The following ISM2 variants were observed in gnomAD, a reference collection of about 807,000 sequenced individuals.
ISM2 encodes the protein isthmin 2, also known as isthmin-2.
In ISM2, 50 loss-of-function variants were observed where a neutral mutation model predicts 58.0. That is an observed-to-expected ratio of 0.86 (90% CI 0.69 to 1.09). ISM2 has a LOEUF of 1.09. Among genes scored for constraint, ISM2 ranks in the 50% least tolerant of loss-of-function variants. ISM2 has a pLI of 0.00. For synonymous variants in ISM2, 303 were observed against 312.4 expected (o/e 0.97, Z 0.32); for missense variants, 723 against 745.0 (o/e 0.97, Z 0.34).
chr14:77,482,748 G>T, intron 3 of ISM2, 81 bp from the exon 4 acceptor site: 1 of 895,110 alleles, frequency 1.1e-6, no homozygotes, highest in Non-Finnish European at 1.7e-6. Flanking sequence ...TGGGGTCAGG[G>T]TCAGAGGTGA....
intron 1 of ISM2, among the ~76,000 whole-genome samples, chr14:77,494,675 G>A (rs947321537): frequency 2.6e-5 from 4 of 152,064 alleles, no homozygotes; most frequent in African/African-American, 9.7e-5. Flanking sequence ...GAGATTACAG[G>A]TGTGAGCCAC....
At chr14:77,494,284 A>T (rs2079225557) in intron 1 of ISM2, among the ~76,000 whole-genome samples, 2 of 152,224 alleles carry the variant, frequency 1.3e-5, no homozygotes, top group African/African-American at 2.4e-5. Flanking sequence ...TGTAAGGCCC[A>T]GAAAATGCTC....
At chr14:77,481,457 C>T (rs2079131635) in intron 4 of ISM2, among the ~76,000 whole-genome samples, 1 of 152,072 alleles carries the variant, frequency 6.6e-6, no homozygotes, top group East Asian at 1.9e-4. Flanking sequence ...TAAAAATAGC[C>T]AATACTTTCT....
intron 1 of ISM2, among the ~76,000 whole-genome samples, chr14:77,493,419 G>A (rs1594955162): frequency 6.6e-6 from 1 of 152,134 alleles, no homozygotes; most frequent in Non-Finnish European, 1.5e-5. Context: ...CAACAGGCCT[G>A]CCCAGAGAAG....
rs80182458 is a variant in ISM2 at position 77,482,644 on chromosome 14, G to C, written c.651C>G (p.Asp217Glu). Residue 217 changes from aspartate (D) to glutamate (E), a missense_variant, in exon 4 of 7, where the codon GAC becomes GAG. Transcript: ENST00000342219. The part of the protein sequence containing the change: ...DNQVTIKVVE[D>E]PQAEVSIDLL... ...GGTCTATCGACACCTCGGCCTGGGG[G>C]TCCTCCACCACCTTGATGGTCACCT... 35 of 1,560,982 alleles carry C rather than the reference G, an allele frequency of 2.2e-5. No homozygotes were observed. The African/African-American group carries it at 3.9e-4, about 18-fold the overall frequency.
In ISM2 at chr14:77,482,409, C is replaced by T. The variant is rs368356491; in HGVS notation, c.886G>A (p.Ala296Thr). Residue 296 changes from alanine to threonine, a missense_variant, in exon 4 of 7, where the codon GCG becomes ACG. By Grantham distance (58) the Ala-to-Thr change is moderately conservative. Coordinates refer to ENST00000342219, the MANE Select transcript of ISM2 (RefSeq NM_199296.3). ...EDKEEDEEEQ[A>T]LWFNGTTDNW... ...TCTGTAGTTCCATTGAACCAGAGCG[C>T]CTGCTCTTCCTCATCTTCCTCTTTG... The T allele has an allele frequency of 6.2e-7, 1 of 1,614,158 alleles. No homozygotes were observed. Among genetic ancestry groups the T allele is most frequent in the Non-Finnish European group, 8.5e-7 (1 of 1,180,016 alleles).
chr14:77,498,197 T>G (rs1447653093), intron 1 of ISM2: 5 of 1,238,332 alleles, frequency 4.0e-6, no homozygotes, highest in Non-Finnish European at 5.2e-6. Context: ...CCACTGTGCC[T>G]CCGCTTGTCT....
rs763077922 is a variant in ISM2, at chr14:77,475,646, G to T, written c.1665C>A (p.Asn555Lys). The T allele has an allele frequency of 3.7e-6, 6 of 1,611,814 alleles. No homozygotes were observed. The highest frequency in any genetic ancestry group is 1.1e-5 in the South Asian group (1 of 90,734). Residue 555 changes from asparagine (N) to lysine (K), a missense_variant, in exon 7 of 7, where the codon AAC becomes AAA. By Grantham distance (94) the Asn-to-Lys change is moderately conservative (BLOSUM62 0). Transcript: ENST00000342219. This position sits in a 1 kb window ranked among gnomAD's most constrained non-coding sequence, Gnocchi z 4.1. Reference sequence around the variant, plus strand: ...GTGCTAGGTACTCCTCCTCCAGGGGGTTGTCGGTGCAGGCTCGGCCGTTGT... The same window carrying T: ...GTGCTAGGTACTCCTCCTCCAGGGGTTTGTCGGTGCAGGCTCGGCCGTTGT... ...PPNNGRACTD[N>K]PLEEEYLAQL... is the part of the protein sequence containing the mutation.
intron 1 of ISM2, among the ~76,000 whole-genome samples, chr14:77,491,549 C>T (rs915544826): frequency 6.6e-5 from 10 of 152,048 alleles, no homozygotes; most frequent in Non-Finnish European, 1.5e-4. Context: ...CCACCATGCC[C>T]GGCTAATTTT....
chr14:77,476,018 A>T lies in ISM2; in HGVS notation c.1293T>A (p.Cys431Ter), dbSNP rs774715411. 1 of 1,579,560 alleles carries T rather than the reference A, an allele frequency of 6.3e-7. No homozygotes were observed. The highest frequency in any genetic ancestry group is 1.7e-5 in the Admixed American group (1 of 58,744). Residue 431 changes from cysteine (C) to a stop codon, truncating the protein, a stop_gained, in exon 7 of 7, where the codon TGT (cysteine) becomes TGA (stop). Coordinates refer to ENST00000342219, the MANE Select transcript of ISM2 (RefSeq NM_199296.3). LOFTEE classifies it high-confidence loss of function. Reference protein sequence around the residue: ...QMLRDLPSCPCAYPLEAMDSP... With the variant: ...QMLRDLPSCP ...TGTCCATGGCCTCCAGTGGGTAGGC[A>T]CACGGGCAGCTGGGCAGGTCCCGCA...
intron 5 of ISM2, 38 bp from the exon 6 acceptor site, chr14:77,478,363 G>T (rs755770045): frequency 6.4e-7 from 1 of 1,563,582 alleles, no homozygotes; most frequent in Admixed American, 1.7e-5. Flanking sequence ...TGGCTCCGCA[G>T]GCCACCTCAG....
chr14:77,484,721 C>G lies in ISM2; in HGVS notation c.340G>C (p.Gly114Arg), dbSNP rs2079156271. The change falls in exon 2 of 7, where the codon GGA (glycine) becomes CGA (arginine). Residue 114 changes from glycine to arginine, a missense_variant. By Grantham distance (125) the Gly-to-Arg change is moderately radical. Transcript: ENST00000342219. ...GTACTCAAGGTTGTGTTGGCCAATC[C>G]CGGCAGCTTCTGCAGCTCCAGCCGC... ...PLRLELQKLPGLANTTLSTPN... is the reference protein window; with the variant it reads ...PLRLELQKLPRLANTTLSTPN... 1 of 1,611,706 alleles carries G rather than the reference C, an allele frequency of 6.2e-7. No individual in the cohort carries two copies. The highest frequency in any genetic ancestry group is 8.5e-7 in the Non-Finnish European group (1 of 1,179,550).
chr14:77,482,193 T>A, intron 4 of ISM2, 129 bp downstream of exon 4: 1 of 620,654 alleles, frequency 1.6e-6, no homozygotes. Flanking sequence ...TGATGGTGTT[T>A]GAACAAGGCC....
At chr14:77,476,232 G>T in intron 6 of ISM2, 120 bp from the exon 7 acceptor site, 1 of 1,144,880 alleles carries the variant, frequency 8.7e-7, no homozygotes, top group Non-Finnish European at 1.2e-6. Context: ...CTGGTGCAAA[G>T]GCGTGGCTTG....
chr14:77,484,740 C>T lies in ISM2; in HGVS notation c.321G>A (p.Leu107=), dbSNP rs1446096668. The part of the protein sequence containing the change: ...PRTPEVTPLR[L]ELQKLPGLAN... Reference sequence around the variant, plus strand: ...CCAATCCCGGCAGCTTCTGCAGCTCCAGCCGCAACGGAGTAACCTCTGGGG... The same window carrying T: ...CCAATCCCGGCAGCTTCTGCAGCTCTAGCCGCAACGGAGTAACCTCTGGGG... Residue 107 remains leucine, a synonymous_variant, in exon 2 of 7, where the codon CTG becomes CTA. Coordinates refer to ENST00000342219, the MANE Select transcript of ISM2 (RefSeq NM_199296.3). The T allele has an allele frequency of 5.6e-6, 9 of 1,612,944 alleles. No individual in the cohort carries two copies. Among genetic ancestry groups the T allele is most frequent in the Admixed American group, 1.7e-5 (1 of 59,868 alleles).
rs754722637 is a variant in ISM2, at chr14:77,482,479, G to A, written c.816C>T (p.Asp272=). ...PGEKGEEKEE[D]EDYPSEDIEG... is the part of the protein sequence containing the mutation. ...CGATATCCTCTGAAGGATAGTCCTC[G>A]TCTTCCTCCTTTTCCTCCCCCTTCT... Residue 272 remains aspartate (D), a synonymous_variant, in exon 4 of 7, where the codon GAC becomes GAT. Coordinates refer to ENST00000342219, the MANE Select transcript of ISM2 (RefSeq NM_199296.3). 7.4e-5 allele frequency: 120 copies of A among 1,613,984 alleles called. 1 individual carries two copies. Among genetic ancestry groups the A allele is most frequent in the East Asian group, 4.5e-5 (2 of 44,892 alleles).
intron 6 of ISM2, among the ~76,000 whole-genome samples, chr14:77,477,485 C>A (rs2079105577): frequency 6.6e-6 from 1 of 152,190 alleles, no homozygotes; most frequent in Non-Finnish European, 1.5e-5. Flanking sequence ...GGGGAAGAGA[C>A]ACACATTTCC....
In ISM2 at chr14:77,482,520, C is replaced by A; in HGVS notation, c.775G>T (p.Asp259Tyr). ...TCCCCCTTCTCCCCTGGGGCCCTGT[C>A]TTTTTCCTCTCCTTTGTAGTCTCCC... ...LWGDYKGEEK[D>Y]RAPGEKGEEK... is the part of the protein sequence containing the mutation. Residue 259 changes from aspartate to tyrosine, a missense_variant, in exon 4 of 7, where the codon GAC becomes TAC. Transcript: ENST00000342219. 1.9e-6 allele frequency: 3 copies of A among 1,614,156 alleles called. No homozygotes were observed. Among genetic ancestry groups the A allele is most frequent in the Non-Finnish European group, 2.5e-6 (3 of 1,180,024 alleles).
At chr14:77,488,940 A>G (rs2079184249) in intron 1 of ISM2, among the ~76,000 whole-genome samples, 1 of 152,154 alleles carries the variant, frequency 6.6e-6, no homozygotes, top group African/African-American at 2.4e-5. Flanking sequence ...TTACATGTGG[A>G]GTTGCATGCA....
Sources: allele counts gnomAD v4.1 joint callset (sites outside exome capture counted in the v4.1 genomes callset), GRCh38; gene constraint gnomAD v4.1.1; non-coding constraint Gnocchi (gnomAD v3.1); transcripts MANE v1.5; gene names NCBI Gene and HGNC (gene_info 2026-07-23, HGNC 2026-07-21).